SLC47A1: variants seen among roughly 807,000 people sequenced by gnomAD.
The protein encoded by SLC47A1 is multidrug and toxin extrusion protein 1.
A neutral mutation model predicts 65.8 loss-of-function variants in SLC47A1; 58 were observed. The observed-to-expected ratio is 0.88, with a 90% CI of 0.71 to 1.10. The LOEUF (loss-of-function observed/expected upper bound fraction) is 1.10, where lower values mean the gene tolerates loss of function less well. SLC47A1 is among the 50% of genes least tolerant of loss of function. The pLI is 0.00. For missense variants in SLC47A1, 706 were observed against 719.2 expected (o/e 0.98, Z 0.21); for synonymous variants, 285 against 295.0 (o/e 0.97, Z 0.35).
chr17:19,550,414 C>T (rs1916413636), intron 5 of SLC47A1, among the ~76,000 whole-genome samples: 1 of 152,184 alleles, frequency 6.6e-6, no homozygotes, highest in Non-Finnish European at 1.5e-5. Context: ...CTCCCTGGCT[C>T]AAGTGATCCT....
At chr17:19,574,365 C>G (rs774182126) in intron 16 of SLC47A1, among the ~76,000 whole-genome samples, 1 of 152,166 alleles carries the variant, frequency 6.6e-6, no homozygotes, top group Non-Finnish European at 1.5e-5. Context: ...GGATGTAGGT[C>G]TCTCTGACCT....
chr17:19,545,288 G>A (rs1238143844), intron 2 of SLC47A1, among the ~76,000 whole-genome samples: 2 of 151,960 alleles, frequency 1.3e-5, no homozygotes, highest in Admixed American at 6.6e-5. Flanking sequence ...TCCGCTTCCC[G>A]GGTTCAAGTG....
At chr17:19,549,906 G>A (rs1353703506) in intron 5 of SLC47A1, among the ~76,000 whole-genome samples, 1 of 152,208 alleles carries the variant, frequency 6.6e-6, no homozygotes, top group Non-Finnish European at 1.5e-5. Context: ...TAGAGCTGGA[G>A]AGACCTCCAG....
intron 14 of SLC47A1, chr17:19,568,014 C>G (rs368919298): frequency 2.6e-5 from 4 of 152,340 alleles, no homozygotes; most frequent in East Asian, 3.9e-4. Context: ...AAATAAATGA[C>G]TGCCCAGCTT....
At chr17:19,541,697 CTTG>C (rs752727700) in intron 1 of SLC47A1, among the ~76,000 whole-genome samples, 2 of 152,166 alleles carry the variant, frequency 1.3e-5, no homozygotes, top group Non-Finnish European at 2.9e-5. Context: ...GGAATGTGTT[CTTG>C]TTGTTGAAGG....
At chr17:19,534,107 C>G (rs976103859) in intron 1 of SLC47A1, 33 bp downstream of exon 1, 40 of 1,495,190 alleles carry the variant, frequency 2.7e-5, no homozygotes, top group Non-Finnish European at 3.6e-5. Context: ...CAGGCCGGTA[C>G]CGGCGGGCTG....
intron 12 of SLC47A1, among the ~76,000 whole-genome samples, chr17:19,562,398 C>A (rs2084318693): frequency 6.6e-6 from 1 of 151,812 alleles, no homozygotes; most frequent in Non-Finnish European, 1.5e-5. Flanking sequence ...CCTGTCTCTA[C>A]TAAAAATACA....
chr17:19,564,993 A>G (rs1313334493), intron 12 of SLC47A1, among the ~76,000 whole-genome samples: 2 of 152,348 alleles, frequency 1.3e-5, no homozygotes, highest in East Asian at 3.9e-4. Flanking sequence ...TGCAGGGATT[A>G]CAGGCATGAG....
intron 10 of SLC47A1, among the ~76,000 whole-genome samples, chr17:19,558,351 G>A (rs1172940535): frequency 6.6e-6 from 1 of 152,178 alleles, no homozygotes; most frequent in Non-Finnish European, 1.5e-5. Flanking sequence ...GGGCAGGAAA[G>A]CTAGAGAAGT....
rs149119174 is a variant in SLC47A1, at chr17:19,565,505, C to T, written c.1107-1285C>T. Reference sequence around the variant, plus strand: ...GTCTACACTGACCAGATGGACTATGCGGTAACCCCTCTTTATCCTTGGTTT... The same window carrying T: ...GTCTACACTGACCAGATGGACTATGTGGTAACCCCTCTTTATCCTTGGTTT... On this transcript the variant is annotated intron_variant, in intron 12 of 16. Coordinates refer to ENST00000270570, the MANE Select transcript of SLC47A1 (RefSeq NM_018242.3). 6.3e-3 allele frequency among the ~76,000 whole-genome samples: 952 copies of T among 151,122 alleles called. 9 individuals are homozygous for T. Among genetic ancestry groups the T allele is most frequent in the African/African-American group, 0.021 (869 of 41,204 alleles).
At chr17:19,540,229 G>A (rs1244592787) in intron 1 of SLC47A1, among the ~76,000 whole-genome samples, 1 of 152,106 alleles carries the variant, frequency 6.6e-6, no homozygotes, top group Non-Finnish European at 1.5e-5. Context: ...GCACTCCAAA[G>A]GCCGGGCAGT....
chr17:19,541,848 T>C (rs1916157604), intron 1 of SLC47A1, among the ~76,000 whole-genome samples: 2 of 152,266 alleles, frequency 1.3e-5, no homozygotes, highest in Non-Finnish European at 1.5e-5. Context: ...AAAGGCAGGC[T>C]GGGCGCAGTG....
chr17:19,534,035 A>G lies in SLC47A1; in HGVS notation c.96A>G (p.Arg32=). 1 of 1,547,934 alleles carries G rather than the reference A, an allele frequency of 6.5e-7. No individual in the cohort carries two copies. Among genetic ancestry groups the G allele is most frequent in the Non-Finnish European group, 8.7e-7 (1 of 1,147,728 alleles). Residue 32 remains arginine (R), a synonymous_variant, in exon 1 of 17, where the codon CGA becomes CGG. Transcript: ENST00000270570. ...GSRCLRLSAF[R]EELRALLVLA... ...GCTGCTTGCGGCTGTCCGCCTTCCGAGAAGAGCTGCGGGCGCTCTTGGTCC... is the reference window on the plus strand; with the variant it reads ...GCTGCTTGCGGCTGTCCGCCTTCCGGGAAGAGCTGCGGGCGCTCTTGGTCC...
At chr17:19,535,626 T>C (rs1915970112) in intron 1 of SLC47A1, 2 of 152,224 alleles carry the variant, frequency 1.3e-5, no homozygotes, top group East Asian at 1.9e-4. Context: ...TAGCTGGGCA[T>C]GGTGGCAGGC....
intron 2 of SLC47A1, among the ~76,000 whole-genome samples, chr17:19,546,089 G>A (rs576996852): frequency 8.7e-4 from 133 of 152,146 alleles, no homozygotes; most frequent in Middle Eastern, 3.4e-3. Flanking sequence ...TCATGGTAGC[G>A]CACTCCTGTA....
intron 12 of SLC47A1, among the ~76,000 whole-genome samples, chr17:19,563,128 CTTTTTTTT>C (rs572651224): frequency 3.6e-5 from 3 of 82,638 alleles, no homozygotes; most frequent in Non-Finnish European, 4.3e-5. Flanking sequence ...TAAGAGAAAG[CTTTTTTTT>C]TTTTTTTTTT....
rs149604973 is a variant in SLC47A1, at chr17:19,556,003, G to A, written c.862G>A (p.Gly288Ser). Residue 288 changes from glycine to serine, a missense_variant, in exon 10 of 17, where the codon GGC becomes AGC. Coordinates refer to ENST00000270570, the MANE Select transcript of SLC47A1 (RefSeq NM_018242.3). Reference sequence around the variant, plus strand: ...CTGTCTTTCTTCACCAGGCATCCTCGGCATGGTGGAGCTGGGCGCTCAGTC... The same window carrying A: ...CTGTCTTTCTTCACCAGGCATCCTCAGCATGGTGGAGCTGGGCGCTCAGTC... ...EVGSFLSGIL[G>S]MVELGAQSIV... 2.8e-4 allele frequency: 458 copies of A among 1,614,156 alleles called. 4 individuals are homozygous for A. In the Middle Eastern group the frequency reaches 9.6e-3, roughly 34 times the overall value.
At chr17:19,554,112 A>G (rs1025174393) in intron 6 of SLC47A1, among the ~76,000 whole-genome samples, 3 of 152,120 alleles carry the variant, frequency 2.0e-5, no homozygotes, top group Non-Finnish European at 4.4e-5. Flanking sequence ...GAGACTAGAG[A>G]GGCTGTGGGA....
chr17:19,570,304 G>A (rs1383830910), intron 14 of SLC47A1, among the ~76,000 whole-genome samples: 1 of 152,212 alleles, frequency 6.6e-6, no homozygotes, highest in African/African-American at 2.4e-5. Context: ...AGCAAAGTCT[G>A]TGTATTCTCA....
Sources: allele counts gnomAD v4.1 joint callset (sites outside exome capture counted in the v4.1 genomes callset), GRCh38; gene constraint gnomAD v4.1.1; transcripts MANE v1.5; gene names NCBI Gene and HGNC (gene_info 2026-07-23, HGNC 2026-07-21).